Variants in CNGB3 observed in about 807,000 individuals in gnomAD.
CNGB3 encodes cyclic nucleotide-gated channel beta-3.
A neutral mutation model predicts 92.8 loss-of-function variants in CNGB3; 86 were observed. The ratio of observed to expected loss-of-function variants is 0.93; its 90% CI spans 0.78 to 1.11. The LOEUF is 1.11. Among genes scored for constraint, CNGB3 ranks in the 50% least tolerant of loss-of-function variants. The probability of loss-of-function intolerance (pLI) is 0.00; values close to 1 mark genes in which losing one functional copy is unlikely to be tolerated. For missense variants in CNGB3, 1,026 were observed against 956.8 expected (o/e 1.07, Z -0.95); for synonymous variants, 333 against 332.7 (o/e 1.00, Z -0.01).
At chr8:86,714,846 G>A (rs1390374687) in intron 3 of CNGB3, among the ~76,000 whole-genome samples, 1 of 152,088 alleles carries the variant, frequency 6.6e-6, no homozygotes, top group Non-Finnish European at 1.5e-5. Flanking sequence ...ATGCTACGTG[G>A]GAGCGGGTGA....
At chr8:86,722,772 G>C (rs1824995654) in intron 3 of CNGB3, among the ~76,000 whole-genome samples, 2 of 152,150 alleles carry the variant, frequency 1.3e-5, no homozygotes, top group African/African-American at 4.8e-5. Context: ...TCTGACTTCA[G>C]ACTCAAACTG....
At chr8:86,611,453 A>G (rs763692214) in intron 14 of CNGB3, 135 bp downstream of exon 14, 29 of 714,298 alleles carry the variant, frequency 4.1e-5, no homozygotes, top group Non-Finnish European at 6.7e-5. Context: ...TGCTGTACAG[A>G]GCTATATATC....
intron 17 of CNGB3, among the ~76,000 whole-genome samples, chr8:86,577,715 T>C (rs1477207070): frequency 6.6e-6 from 1 of 152,210 alleles, no homozygotes; most frequent in Non-Finnish European, 1.5e-5. Flanking sequence ...CTGTAATGCC[T>C]GAATGAAGTT....
Position 86,659,071 on chromosome 8 carries a change from G to T in CNGB3, c.853-5009C>A. On this transcript the variant is annotated intron_variant, in intron 6 of 17. Coordinates refer to ENST00000320005, the MANE Select transcript of CNGB3 (RefSeq NM_019098.5). ...TCCACCTCAGAGGGCCCTGCTGGGG[G>T]CTCCAGGAGCAGGGGTTCAGCGATC... 1.2e-5 allele frequency: 10 copies of T among 839,832 alleles called. No individual in the cohort carries two copies. In the South Asian group the frequency reaches 1.2e-4, roughly 10 times the overall value. The allele number at this position is 839,832 out of a possible 1,614,324, so 52.0% of individuals were successfully genotyped here.
At chr8:86,613,004 C>T (rs575385043) in intron 13 of CNGB3, among the ~76,000 whole-genome samples, 105 of 152,154 alleles carry the variant, frequency 6.9e-4, no homozygotes, top group Non-Finnish European at 6.8e-4. Flanking sequence ...CACAAATATC[C>T]ATAAAACTTA....
intron 14 of CNGB3, among the ~76,000 whole-genome samples, chr8:86,611,366 C>T (rs1822515947): frequency 1.3e-5 from 2 of 152,214 alleles, no homozygotes; most frequent in Middle Eastern, 3.4e-3. Flanking sequence ...TCTCAGACTA[C>T]CCACACTTCT....
chr8:86,623,470 T>A (rs1183348129), intron 13 of CNGB3, among the ~76,000 whole-genome samples: 1 of 152,124 alleles, frequency 6.6e-6, no homozygotes, highest in Non-Finnish European at 1.5e-5. Context: ...TGTTGCTGCA[T>A]CCTCCAGATG....
rs373862340 is a variant in CNGB3 at position 86,644,671 on chromosome 8, C to A, written c.1006G>T (p.Glu336Ter). Residue 336 changes from glutamate to a stop codon, truncating the protein, a stop_gained, in exon 9 of 18, where the codon GAA (glutamate) becomes TAA (stop). Transcript: ENST00000320005. LOFTEE classifies it high-confidence loss of function. ...NRMLKYTSFF[E>*]FNHHLESIMD... ...ATAGACTCTAGGTGATGATTAAATTCAAAAAATGAAGTGTACTATATAGAA... is the reference window on the plus strand; with the variant it reads ...ATAGACTCTAGGTGATGATTAAATTAAAAAAATGAAGTGTACTATATAGAA... 3.3e-5 allele frequency: 53 copies of A among 1,583,516 alleles called. No individual in the cohort carries two copies. Among genetic ancestry groups the A allele is most frequent in the East Asian group, 4.5e-5 (2 of 44,290 alleles).
At chr8:86,581,271 T>C (rs1821759519) in intron 15 of CNGB3, among the ~76,000 whole-genome samples, 1 of 152,096 alleles carries the variant, frequency 6.6e-6, no homozygotes, top group Non-Finnish European at 1.5e-5. Flanking sequence ...GCCCCTGGAG[T>C]CATAACTGGT....
At chr8:86,614,827 C>A (rs1822585759) in intron 13 of CNGB3, among the ~76,000 whole-genome samples, 1 of 151,700 alleles carries the variant, frequency 6.6e-6, no homozygotes, top group African/African-American at 2.4e-5. Flanking sequence ...GAACAGCCAC[C>A]ACTCATCCTC....
At chr8:86,714,254 G>A (rs1441266482) in intron 3 of CNGB3, among the ~76,000 whole-genome samples, 2 of 151,986 alleles carry the variant, frequency 1.3e-5, no homozygotes, top group African/African-American at 4.8e-5. Context: ...CTCCAGAATA[G>A]CTGTAATCAT....
rs931692134 is a variant in CNGB3 at position 86,742,466 on chromosome 8, G to A, written c.129+1033C>T. 3.9e-5 allele frequency among the ~76,000 whole-genome samples: 6 copies of A among 152,198 alleles called. No individual in the cohort carries two copies. In the East Asian group the frequency reaches 1.2e-3, roughly 30 times the overall value. On this transcript the variant is annotated intron_variant, in intron 1 of 17. Coordinates refer to ENST00000320005, the MANE Select transcript of CNGB3 (RefSeq NM_019098.5). ...CAGAAAAGGAAGGCAGATTTTCCAC[G>A]GCCCATGTTAAATAGTCTCAGTGTT... is the stretch of plus-strand genomic sequence containing the variant.
intron 6 of CNGB3, chr8:86,659,066 TG>T: frequency 4.6e-6 from 4 of 870,014 alleles, no homozygotes; most frequent in Non-Finnish European, 7.5e-6. Flanking sequence ...AGGGCCCTGC[TG>T]GGGGCTCCAG....
intron 15 of CNGB3, among the ~76,000 whole-genome samples, chr8:86,583,917 G>A (rs1337089712): frequency 4.0e-4 from 22 of 54,602 alleles, no homozygotes; most frequent in Middle Eastern, 0.018. Context: ...GTGAGACCTT[G>A]TCTCAAAAAA....
intron 3 of CNGB3, among the ~76,000 whole-genome samples, chr8:86,683,439 G>A (rs1824121162): frequency 6.6e-6 from 1 of 152,118 alleles, no homozygotes; most frequent in East Asian, 1.9e-4. Flanking sequence ...ATTAGAAGTA[G>A]GTTAACAAAA....
At chr8:86,619,072 GCCTT>G (rs1822673626) in intron 13 of CNGB3, among the ~76,000 whole-genome samples, 1 of 152,214 alleles carries the variant, frequency 6.6e-6, no homozygotes, top group African/African-American at 2.4e-5. Context: ...GACATATTGT[GCCTT>G]CCTTGTCGGA....
At chr8:86,599,809 G>T (rs977162641) in intron 15 of CNGB3, among the ~76,000 whole-genome samples, 1 of 152,162 alleles carries the variant, frequency 6.6e-6, no homozygotes, top group Non-Finnish European at 1.5e-5. Context: ...AACTTCATTA[G>T]CAATTTTAAT....
intron 15 of CNGB3, among the ~76,000 whole-genome samples, chr8:86,596,331 T>C (rs1822170651): frequency 6.6e-6 from 1 of 152,202 alleles, no homozygotes; most frequent in African/African-American, 2.4e-5. Flanking sequence ...TGCCCATATA[T>C]TACAAGAGTT....
chr8:86,650,746 C>T (rs1823385806), intron 7 of CNGB3, among the ~76,000 whole-genome samples: 1 of 151,464 alleles, frequency 6.6e-6, no homozygotes, highest in Non-Finnish European at 1.5e-5. Flanking sequence ...CTATGGAAAA[C>T]AGTATGGACA....
Sources: allele counts gnomAD v4.1 joint callset (sites outside exome capture counted in the v4.1 genomes callset), GRCh38; gene constraint gnomAD v4.1.1; transcripts MANE v1.5; gene names NCBI Gene and HGNC (gene_info 2026-07-23, HGNC 2026-07-21).